Variants in HECW1 observed in about 807,000 individuals in gnomAD.
HECW1 encodes E3 ubiquitin-protein ligase HECW1.
A neutral mutation model predicts 182.3 loss-of-function variants in HECW1; 61 were observed. The ratio of observed to expected loss-of-function variants is 0.33; its 90% CI spans 0.27 to 0.41. The LOEUF is 0.41. Among genes scored for constraint, HECW1 ranks in the 10% least tolerant of loss-of-function variants. HECW1 has a pLI of 1.00. For synonymous variants in HECW1, 859 were observed against 832.6 expected (o/e 1.03, Z -0.55); for missense variants, 1,739 against 2,108.9 (o/e 0.82, Z 3.44).
At chr7:43,248,635 T>G (rs1246833286) in intron 3 of HECW1, 1 of 153,032 alleles carries the variant, frequency 6.5e-6, no homozygotes, top group African/African-American at 2.4e-5. Flanking sequence ...CTTATTGATT[T>G]GGAACCTCCA....
intron 7 of HECW1, among the ~76,000 whole-genome samples, chr7:43,403,135 T>C (rs557058760): frequency 3.3e-5 from 5 of 152,334 alleles, no homozygotes; most frequent in South Asian, 2.1e-4. Flanking sequence ...AGTTCTTGGC[T>C]GAGGACCCCC....
In HECW1 at chr7:43,445,335, C is replaced by A. The variant is rs201225073; in HGVS notation, c.2163C>A (p.Ser721=). 3 of 1,613,844 alleles carry A rather than the reference C, an allele frequency of 1.9e-6. No individual in the cohort carries two copies. The highest frequency in any genetic ancestry group is 2.2e-5 in the South Asian group (2 of 91,092). The change falls in exon 11 of 30, where the codon TCC becomes TCA. Residue 721 remains serine (S), a synonymous_variant. Transcript: ENST00000395891. ...TCGCCAGCCACACGCGCTTCTCCTCCGTGGACAGCGCCAAGATCTCCGAGA... is the reference window on the plus strand; with the variant it reads ...TCGCCAGCCACACGCGCTTCTCCTCAGTGGACAGCGCCAAGATCTCCGAGA... ...NRFASHTRFS[S]VDSAKISEST...
chr7:43,292,787 C>T (rs543940246), intron 3 of HECW1, among the ~76,000 whole-genome samples: 1 of 152,280 alleles, frequency 6.6e-6, no homozygotes, highest in Non-Finnish European at 1.5e-5. Context: ...AGCTCAGCCC[C>T]TATGATAGTA....
intron 6 of HECW1, among the ~76,000 whole-genome samples, chr7:43,362,310 C>G (rs369191249): frequency 9.9e-5 from 15 of 152,264 alleles, no homozygotes; most frequent in African/African-American, 3.6e-4. Context: ...TAAGCAGGCC[C>G]GAGGCCCAAA....
intron 26 of HECW1, among the ~76,000 whole-genome samples, chr7:43,549,607 C>G (rs1341402007): frequency 6.6e-6 from 1 of 152,190 alleles, no homozygotes; most frequent in African/African-American, 2.4e-5. Context: ...AGATGATACA[C>G]AGATAATAGC....
At chr7:43,455,597 C>T (rs895921805) in intron 12 of HECW1, among the ~76,000 whole-genome samples, 3 of 152,122 alleles carry the variant, frequency 2.0e-5, no homozygotes, top group Admixed American at 2.0e-4. Context: ...GTTTGAGTAG[C>T]CAACAAGAGT....
intron 5 of HECW1, among the ~76,000 whole-genome samples, chr7:43,342,367 A>G (rs1235284284): frequency 6.6e-6 from 1 of 151,836 alleles, no homozygotes; most frequent in Non-Finnish European, 1.5e-5. Flanking sequence ...AATCCATTTA[A>G]TTCATAAAAA....
chr7:43,375,023 C>T (rs925421228), intron 6 of HECW1, among the ~76,000 whole-genome samples: 1 of 152,044 alleles, frequency 6.6e-6, no homozygotes, highest in Non-Finnish European at 1.5e-5. Context: ...TCCTTCTTAC[C>T]ATTCATTGCT....
At chr7:43,376,044 A>AT (rs1491397662) in intron 6 of HECW1, among the ~76,000 whole-genome samples, 1 of 143,994 alleles carries the variant, frequency 6.9e-6, no homozygotes. Flanking sequence ...ATATACACAC[A>AT]TATATATACA....
chr7:43,505,443 G>A (rs947687084), intron 21 of HECW1, among the ~76,000 whole-genome samples: 1 of 152,146 alleles, frequency 6.6e-6, no homozygotes, highest in African/African-American at 2.4e-5. Context: ...ATGTTTTTAT[G>A]ATTCAAGTGA....
Position 43,562,003 on chromosome 7 carries a change from T to G in HECW1, c.*77T>G. 1 of 812,334 alleles carries G rather than the reference T, an allele frequency of 1.2e-6. No individual in the cohort carries two copies. The highest frequency in any genetic ancestry group is 2.1e-6 in the Non-Finnish European group (1 of 478,636). 50.3% of individuals were successfully genotyped at this position (812,334 alleles called of 1,614,324 possible). A position where few individuals can be genotyped will look rare whatever the true frequency, so the allele number is the denominator to read the frequency against. On this transcript the variant is annotated 3_prime_UTR_variant, in exon 30 of 30. Coordinates refer to ENST00000395891, the MANE Select transcript of HECW1 (RefSeq NM_015052.5). ...GGGATGATCCCCTTTTCCCTTTCCC[T>G]TAATCAACTCTCCTTTGATTTTGGT...
chr7:43,263,620 A>C (rs1429422521), intron 3 of HECW1, among the ~76,000 whole-genome samples: 1 of 152,144 alleles, frequency 6.6e-6, no homozygotes, highest in Non-Finnish European at 1.5e-5. Context: ...CAGCCTCCCA[A>C]AGTGCTGGGA....
intron 2 of HECW1, among the ~76,000 whole-genome samples, chr7:43,234,946 A>G (rs553371548): frequency 1.6e-4 from 25 of 152,346 alleles, no homozygotes; most frequent in African/African-American, 5.1e-4. Flanking sequence ...GTCGCCTTTC[A>G]TGACTATCTG....
chr7:43,240,458 G>A (rs759781391), intron 2 of HECW1, among the ~76,000 whole-genome samples: 1 of 152,178 alleles, frequency 6.6e-6, no homozygotes, highest in African/African-American at 2.4e-5. Flanking sequence ...ACGACAGACC[G>A]AATGAAAGAG....
intron 24 of HECW1, among the ~76,000 whole-genome samples, chr7:43,530,137 T>A (rs918103456): frequency 1.3e-4 from 19 of 147,564 alleles, no homozygotes; most frequent in African/African-American, 4.0e-4. Flanking sequence ...TTTTTTTTTT[T>A]AGTAGAGATG....
intron 14 of HECW1, among the ~76,000 whole-genome samples, chr7:43,465,753 T>C (rs961049045): frequency 2.6e-5 from 4 of 151,998 alleles, no homozygotes; most frequent in African/African-American, 7.2e-5. Context: ...TAGCCAGGCA[T>C]GGTGCTGCAT....
At chr7:43,331,269 A>G (rs1331624449) in intron 5 of HECW1, among the ~76,000 whole-genome samples, 1 of 151,986 alleles carries the variant, frequency 6.6e-6, no homozygotes, top group African/African-American at 2.4e-5. Context: ...GTTTGCTCAG[A>G]ATGATGGTTT....
chr7:43,187,495 C>A (rs899145964), intron 2 of HECW1, among the ~76,000 whole-genome samples: 1 of 151,882 alleles, frequency 6.6e-6, no homozygotes, highest in Non-Finnish European at 1.5e-5. Flanking sequence ...TTTAATAGTT[C>A]ATTATATTAT....
rs574866489 is a variant in HECW1, at chr7:43,552,303, A to C, written c.4477A>C (p.Asn1493His). The part of the protein sequence containing the change: ...VIAGTAEIDL[N>H]DWRNNTEYRG... ...AGCTGGCACCGCGGAAATCGACCTA[A>C]ATGACTGGCGGAATAACACTGAGTA... The change falls in exon 28 of 30, where the codon AAT (asparagine) becomes CAT (histidine). Residue 1493 changes from asparagine (N) to histidine (H), a missense_variant. Transcript: ENST00000395891. 1 of 1,613,732 alleles carries C rather than the reference A, an allele frequency of 6.2e-7. No individual in the cohort carries two copies. Among genetic ancestry groups the C allele is most frequent in the Non-Finnish European group, 8.5e-7 (1 of 1,179,648 alleles).
Sources: gnomAD v4.1 joint callset for allele counts (sites outside exome capture counted in the v4.1 genomes callset) on GRCh38, gnomAD v4.1.1 for gene constraint, MANE v1.5 for transcripts, NCBI Gene and HGNC (gene_info 2026-07-23, HGNC 2026-07-21) for gene names.